HDAC9: variants seen among roughly 807,000 people sequenced by gnomAD.
The protein encoded by HDAC9 is MEF-2 interacting transcription repressor (MITR) protein.
Under a neutral mutation model 139.4 loss-of-function variants are expected in HDAC9, and 41 were observed. That is an observed-to-expected ratio of 0.29 (90% CI 0.23 to 0.38). The LOEUF is 0.38. Ranked by LOEUF, HDAC9 falls within the 10% of genes least tolerant of loss-of-function variation. The pLI, the probability that HDAC9 is intolerant of heterozygous loss-of-function variation, is 1.00. For missense variants in HDAC9, 1,147 were observed against 1,297.0 expected, an observed-to-expected ratio of 0.88 and a Z score of 1.78; for synonymous variants, 517 against 476.2, an observed-to-expected ratio of 1.09 and a Z score of -1.12.
At chr7:18,784,985 A>G (rs1791587455) in intron 16 of HDAC9, among the ~76,000 whole-genome samples, 1 of 149,830 alleles carries the variant, frequency 6.7e-6, no homozygotes, top group Non-Finnish European at 1.5e-5. Flanking sequence ...CTGTGTGTGC[A>G]TGTGTGTGTT....
chr7:18,505,077 G>A (rs1280407480), intron 2 of HDAC9, among the ~76,000 whole-genome samples: 1 of 152,306 alleles, frequency 6.6e-6, no homozygotes, highest in East Asian at 1.9e-4. Flanking sequence ...TAAATTCGAG[G>A]AAGTTAGCAC....
intron 22 of HDAC9, among the ~76,000 whole-genome samples, chr7:18,923,018 C>CATGGTG (rs1803898541): frequency 6.6e-6 from 1 of 152,056 alleles, no homozygotes; most frequent in African/African-American, 2.4e-5. Flanking sequence ...TCTTTTGACA[C>CATGGTG]ATGGTGATAA....
chr7:18,640,755 C>T (rs1785329350), intron 8 of HDAC9, among the ~76,000 whole-genome samples: 1 of 151,992 alleles, frequency 6.6e-6, no homozygotes, highest in South Asian at 2.1e-4. Flanking sequence ...CATCCAGACA[C>T]CATGTCTTTA....
chr7:18,150,096 T>G (rs1335333184), intron 1 of HDAC9, among the ~76,000 whole-genome samples: 1 of 149,802 alleles, frequency 6.7e-6, no homozygotes, highest in Non-Finnish European at 1.5e-5. Context: ...TTTTTTTAAG[T>G]GCACAAATAT....
chr7:18,393,606 A>G (rs1030337475), intron 1 of HDAC9, among the ~76,000 whole-genome samples: 3 of 150,518 alleles, frequency 2.0e-5, no homozygotes, highest in Non-Finnish European at 4.4e-5. Flanking sequence ...ATTTTTGTTT[A>G]GAAGTGCAGG....
chr7:18,938,849 G>A (rs901168931), intron 23 of HDAC9, among the ~76,000 whole-genome samples: 1 of 152,148 alleles, frequency 6.6e-6, no homozygotes, highest in East Asian at 1.9e-4. Context: ...AGACCAGAAC[G>A]CAGAAAGAAT....
At chr7:18,639,758 A>C (rs1242437765) in intron 8 of HDAC9, among the ~76,000 whole-genome samples, 1 of 151,966 alleles carries the variant, frequency 6.6e-6, no homozygotes, top group Non-Finnish European at 1.5e-5. Flanking sequence ...GGACCTTGTA[A>C]AGCCAAAGCT....
intron 2 of HDAC9, among the ~76,000 whole-genome samples, chr7:18,265,591 T>G (rs1470732132): frequency 6.6e-6 from 1 of 150,638 alleles, no homozygotes; most frequent in Non-Finnish European, 1.5e-5. Context: ...AGTCACAAGT[T>G]TTTTTCATTT....
chr7:18,575,399 A>G (rs2128754967), intron 2 of HDAC9, among the ~76,000 whole-genome samples: 1 of 152,362 alleles, frequency 6.6e-6, no homozygotes, highest in East Asian at 1.9e-4. Context: ...AATTTTCAGT[A>G]ATATAACATG....
intron 2 of HDAC9, among the ~76,000 whole-genome samples, chr7:18,503,930 C>G (rs375152285): frequency 5.9e-5 from 9 of 152,180 alleles, no homozygotes; most frequent in African/African-American, 2.2e-4. Context: ...AAATTTGAAA[C>G]TTGATATTAA....
At chr7:18,741,129 A>G (rs1249690291) in intron 13 of HDAC9, among the ~76,000 whole-genome samples, 1 of 152,262 alleles carries the variant, frequency 6.6e-6, no homozygotes, top group Non-Finnish European at 1.5e-5. Context: ...TTTTCCAGAA[A>G]GTCTAGCTAA....
At chr7:18,568,829 C>G (rs1461511333) in intron 2 of HDAC9, among the ~76,000 whole-genome samples, 1 of 151,992 alleles carries the variant, frequency 6.6e-6, no homozygotes, top group African/African-American at 2.4e-5. Flanking sequence ...GGGTGGATCA[C>G]CTGAGGTTGG....
At chr7:18,474,920 A>T (rs1052585192) in intron 1 of HDAC9, among the ~76,000 whole-genome samples, 1 of 152,212 alleles carries the variant, frequency 6.6e-6, no homozygotes, top group Non-Finnish European at 1.5e-5. Flanking sequence ...AGAGAAATCT[A>T]TAAAGACACC....
At chr7:18,532,759 C>G (rs1167507898) in intron 2 of HDAC9, among the ~76,000 whole-genome samples, 1 of 151,380 alleles carries the variant, frequency 6.6e-6, no homozygotes, top group Non-Finnish European at 1.5e-5. Flanking sequence ...TACTCTGCCT[C>G]TCCCCAATCC....
intron 1 of HDAC9, among the ~76,000 whole-genome samples, chr7:18,400,586 A>T (rs943300577): frequency 1.4e-4 from 21 of 152,194 alleles, no homozygotes; most frequent in African/African-American, 4.6e-4. Flanking sequence ...AGACTGGATG[A>T]GGAAGGTGGA....
intron 2 of HDAC9, among the ~76,000 whole-genome samples, chr7:18,217,341 A>G (rs935965379): frequency 1.3e-5 from 2 of 151,776 alleles, no homozygotes; most frequent in East Asian, 3.9e-4. Flanking sequence ...TCCTTCTCCA[A>G]ATACTTTTGG....
At chr7:18,331,833 T>A (rs1180894612) in intron 1 of HDAC9, among the ~76,000 whole-genome samples, 1 of 151,576 alleles carries the variant, frequency 6.6e-6, no homozygotes, top group Non-Finnish European at 1.5e-5. Flanking sequence ...ACTTGGTAGA[T>A]CCTCAATAGA....
intron 2 of HDAC9, among the ~76,000 whole-genome samples, chr7:18,525,765 G>C (rs1178762747): frequency 6.6e-6 from 1 of 152,150 alleles, no homozygotes; most frequent in Non-Finnish European, 1.5e-5. Flanking sequence ...TTTCAGAACA[G>C]AATAGGATGC....
At chr7:18,152,270 C>T (rs1013990046) in intron 1 of HDAC9, among the ~76,000 whole-genome samples, 5 of 152,136 alleles carry the variant, frequency 3.3e-5, no homozygotes, top group Non-Finnish European at 5.9e-5. Context: ...CTGCAAGTAA[C>T]TATTAGAGCC....
Sources: gnomAD v4.1 joint callset for allele counts (sites outside exome capture counted in the v4.1 genomes callset) on GRCh38, gnomAD v4.1.1 for gene constraint, MANE v1.5 for transcripts, NCBI Gene and HGNC (gene_info 2026-07-23, HGNC 2026-07-21) for gene names.